The following SPON1 variants were observed in gnomAD, a reference collection of about 807,000 sequenced individuals.
The protein encoded by SPON1 is spondin-1.
Under a neutral mutation model 111.7 loss-of-function variants are expected in SPON1, and 52 were observed. That is an observed-to-expected ratio of 0.47 (90% CI 0.37 to 0.59). SPON1 has a LOEUF of 0.59. SPON1 is among the 20% of genes least tolerant of loss of function. The pLI is 0.00. For synonymous variants in SPON1, 410 were observed against 395.8 expected (o/e 1.04, Z -0.43); for missense variants, 957 against 1,068.5 (o/e 0.90, Z 1.46).
At chr11:14,164,279 T>G (rs560291759) in intron 6 of SPON1, among the ~76,000 whole-genome samples, 1 of 152,204 alleles carries the variant, frequency 6.6e-6, no homozygotes, top group Non-Finnish European at 1.5e-5. Flanking sequence ...GCATCTAACA[T>G]GTATCCCAGT....
At chr11:14,171,820 C>G (rs1156449139) in intron 6 of SPON1, among the ~76,000 whole-genome samples, 3 of 152,158 alleles carry the variant, frequency 2.0e-5, no homozygotes, top group Admixed American at 1.3e-4. Flanking sequence ...GTTTCTTAAT[C>G]CTGAGTTCTA....
chr11:14,102,318 G>A (rs1554924454), intron 5 of SPON1, among the ~76,000 whole-genome samples: 2 of 151,524 alleles, frequency 1.3e-5, no homozygotes, highest in South Asian at 4.2e-4. Flanking sequence ...AGAAGCAAGT[G>A]CAATTAATTT....
At chr11:14,106,332 G>A (rs1849184027) in intron 5 of SPON1, among the ~76,000 whole-genome samples, 1 of 152,090 alleles carries the variant, frequency 6.6e-6, no homozygotes, top group South Asian at 2.1e-4. Context: ...ATTATAGGAG[G>A]GGGAATATCA....
chr11:13,982,977 C>T (rs963282003), intron 2 of SPON1, 24 bp downstream of exon 2: 6 of 1,457,770 alleles, frequency 4.1e-6, no homozygotes, highest in Non-Finnish European at 5.7e-6. Flanking sequence ...TGGGCTTATT[C>T]AGTGGCCCTC....
intron 6 of SPON1, among the ~76,000 whole-genome samples, chr11:14,209,617 T>C (rs1484378788): frequency 1.3e-5 from 2 of 152,204 alleles, no homozygotes; most frequent in African/African-American, 4.8e-5. Context: ...CTGCATAGTA[T>C]TCCATGGTGT....
intron 3 of SPON1, among the ~76,000 whole-genome samples, chr11:14,049,961 A>G (rs1334716798): frequency 6.6e-6 from 1 of 152,210 alleles, no homozygotes; most frequent in Non-Finnish European, 1.5e-5. Context: ...TATCAGAGAA[A>G]GGACCTTGGC....
At chr11:14,234,018 C>T (rs1377570480) in intron 6 of SPON1, among the ~76,000 whole-genome samples, 1 of 152,126 alleles carries the variant, frequency 6.6e-6, no homozygotes, top group Non-Finnish European at 1.5e-5. Flanking sequence ...CCTTGGCCTC[C>T]CAAAGTGCTG....
chr11:14,096,442 G>T (rs935340242), intron 5 of SPON1, among the ~76,000 whole-genome samples: 1 of 152,182 alleles, frequency 6.6e-6, no homozygotes, highest in African/African-American at 2.4e-5. Context: ...CCTGCTTTGG[G>T]AGGGTGACGT....
chr11:14,163,532 C>T (rs1412265005), intron 6 of SPON1, among the ~76,000 whole-genome samples: 3 of 151,814 alleles, frequency 2.0e-5, no homozygotes, highest in Non-Finnish European at 4.4e-5. Flanking sequence ...TTCTTATAGC[C>T]CCCCAGATTC....
At chr11:14,251,794 C>G (rs540309047) in intron 7 of SPON1, among the ~76,000 whole-genome samples, 8 of 152,154 alleles carry the variant, frequency 5.3e-5, no homozygotes, top group Non-Finnish European at 1.0e-4. Context: ...AGTCCCTAGG[C>G]GAGGTAATGC....
At chr11:14,034,038 G>A (rs537953983) in intron 2 of SPON1, among the ~76,000 whole-genome samples, 7 of 152,300 alleles carry the variant, frequency 4.6e-5, no homozygotes, top group South Asian at 4.1e-4. Context: ...TAAGCTGGGT[G>A]TGGTGGCATA....
At chr11:14,194,567 C>CA (rs150398912) in intron 6 of SPON1, among the ~76,000 whole-genome samples, 1 of 139,306 alleles carries the variant, frequency 7.2e-6, no homozygotes, top group African/African-American at 2.7e-5. Flanking sequence ...CACACACACA[C>CA]GGACTGCCTG....
At chr11:13,975,981 T>C (rs1848100511) in intron 1 of SPON1, among the ~76,000 whole-genome samples, 1 of 152,232 alleles carries the variant, frequency 6.6e-6, no homozygotes, top group Non-Finnish European at 1.5e-5. Flanking sequence ...ATCATTATCA[T>C]CATCATCCCT....
chr11:14,030,227 A>G (rs1286652677), intron 2 of SPON1, among the ~76,000 whole-genome samples: 1 of 152,226 alleles, frequency 6.6e-6, no homozygotes, highest in Non-Finnish European at 1.5e-5. Flanking sequence ...TTTAGAGAAT[A>G]TCGTTTTGAA....
chr11:14,210,382 T>TTG (rs1373697589), intron 6 of SPON1, among the ~76,000 whole-genome samples: 2 of 151,496 alleles, frequency 1.3e-5, no homozygotes, highest in African/African-American at 4.8e-5. Context: ...CCTTTTTTTT[T>TTG]TTTTTTGTTT....
At chr11:13,997,299 T>C (rs555277252) in intron 2 of SPON1, among the ~76,000 whole-genome samples, 1 of 152,288 alleles carries the variant, frequency 6.6e-6, no homozygotes, top group South Asian at 2.1e-4. Flanking sequence ...CTATTTAAAA[T>C]ATACAGCGAG....
intron 6 of SPON1, among the ~76,000 whole-genome samples, chr11:14,171,014 G>A (rs1176181459): frequency 2.0e-5 from 3 of 152,222 alleles, no homozygotes; most frequent in Non-Finnish European, 4.4e-5. Flanking sequence ...CTCATAAAAT[G>A]AGTTAGGGAG....
At chr11:14,044,828 A>G (rs184484188) in intron 3 of SPON1, among the ~76,000 whole-genome samples, 1 of 152,342 alleles carries the variant, frequency 6.6e-6, no homozygotes, top group Admixed American at 6.5e-5. Flanking sequence ...ATGGTTTTTC[A>G]CTAAATAAGA....
intron 7 of SPON1, among the ~76,000 whole-genome samples, chr11:14,246,628 T>G (rs1848993226): frequency 6.6e-6 from 1 of 152,162 alleles, no homozygotes. Context: ...TTACTTTCAC[T>G]TACCCTGTAT....
Sources: gnomAD v4.1 joint callset for allele counts (sites outside exome capture counted in the v4.1 genomes callset) on GRCh38, gnomAD v4.1.1 for gene constraint, MANE v1.5 for transcripts, NCBI Gene and HGNC (gene_info 2026-07-23, HGNC 2026-07-21) for gene names.